Variants in PTPRD observed in about 807,000 individuals in gnomAD.
The protein encoded by PTPRD is receptor-type tyrosine-protein phosphatase delta.
Under a neutral mutation model 214.5 loss-of-function variants are expected in PTPRD, and 34 were observed. The ratio of observed to expected loss-of-function variants is 0.16; its 90% CI spans 0.12 to 0.21. The LOEUF (loss-of-function observed/expected upper bound fraction) is 0.21. PTPRD is among the 10% of genes least tolerant of loss of function. The pLI, the probability that PTPRD is intolerant of heterozygous loss-of-function variation, is 1.00. For missense variants in PTPRD, 2,545 were observed against 2,398.7 expected (o/e 1.06, Z -1.27); for synonymous variants, 1,128 against 845.7 (o/e 1.33, Z -5.79).
At chr9:9,324,638 G>A (rs1270697254) in intron 9 of PTPRD, among the ~76,000 whole-genome samples, 1 of 152,106 alleles carries the variant, frequency 6.6e-6, no homozygotes, top group African/African-American at 2.4e-5. Context: ...CCATTCTGTA[G>A]GTTGCCTGTT....
intron 2 of PTPRD, among the ~76,000 whole-genome samples, chr9:10,532,582 AT>A: frequency 6.8e-6 from 1 of 147,778 alleles, no homozygotes. Context: ...CACTATATAT[AT>A]ATTTATATAA....
At chr9:9,495,113 T>A (rs963028176) in intron 8 of PTPRD, among the ~76,000 whole-genome samples, 1 of 152,064 alleles carries the variant, frequency 6.6e-6, no homozygotes, top group African/African-American at 2.4e-5. Flanking sequence ...GATAGCCACA[T>A]GCGAAACAAT....
chr9:8,637,941 A>C (rs974495198), intron 12 of PTPRD, among the ~76,000 whole-genome samples: 1 of 152,182 alleles, frequency 6.6e-6, no homozygotes. Context: ...GCACACACAC[A>C]CAAAGATTGA....
intron 8 of PTPRD, among the ~76,000 whole-genome samples, chr9:9,420,480 A>G (rs1489605166): frequency 6.6e-6 from 1 of 151,908 alleles, no homozygotes; most frequent in Non-Finnish European, 1.5e-5. Context: ...TACTGCCATT[A>G]TATTTTAAAA....
chr9:10,085,365 A>G (rs2098317372), intron 3 of PTPRD, among the ~76,000 whole-genome samples: 1 of 151,984 alleles, frequency 6.6e-6, no homozygotes, highest in Non-Finnish European at 1.5e-5. Flanking sequence ...TGAATATAAG[A>G]GGTAATAAAT....
chr9:8,541,351 T>A (rs2078358499), intron 14 of PTPRD, among the ~76,000 whole-genome samples: 1 of 152,116 alleles, frequency 6.6e-6, no homozygotes, highest in Non-Finnish European at 1.5e-5. Flanking sequence ...CACCTCAGCC[T>A]CCAGGGTAGC....
At chr9:8,793,366 C>G (rs2096296934) in intron 11 of PTPRD, among the ~76,000 whole-genome samples, 1 of 152,156 alleles carries the variant, frequency 6.6e-6, no homozygotes, top group Non-Finnish European at 1.5e-5. Context: ...GAATGCTTGT[C>G]AACAAACTTC....
intron 7 of PTPRD, among the ~76,000 whole-genome samples, chr9:9,610,280 A>C (rs1237380667): frequency 6.6e-6 from 1 of 152,214 alleles, no homozygotes; most frequent in African/African-American, 2.4e-5. Context: ...ATTTTCAAAA[A>C]AATGCCGTAT....
intron 11 of PTPRD, among the ~76,000 whole-genome samples, chr9:8,760,584 C>T (rs1033921167): frequency 4.7e-5 from 7 of 150,200 alleles, no homozygotes; most frequent in Non-Finnish European, 8.8e-5. Context: ...CTCTCCCTTG[C>T]TCCCTCTCTC....
At chr9:9,938,843 A>G (rs2090468759) in intron 4 of PTPRD, among the ~76,000 whole-genome samples, 1 of 152,178 alleles carries the variant, frequency 6.6e-6, no homozygotes. Context: ...TTCCTTATAA[A>G]AGGTTATTTA....
At chr9:8,617,947 C>A in intron 14 of PTPRD, among the ~76,000 whole-genome samples, 2 of 152,114 alleles carry the variant, frequency 1.3e-5, no homozygotes, top group South Asian at 4.1e-4. Flanking sequence ...TTAAAAAAAT[C>A]ACTAACTTTG....
chr9:9,962,412 A>C (rs1035968723), intron 4 of PTPRD, among the ~76,000 whole-genome samples: 1 of 152,066 alleles, frequency 6.6e-6, no homozygotes, highest in African/African-American at 2.4e-5. Flanking sequence ...AGCTAAACAA[A>C]TCCTTTATAA....
At chr9:10,373,581 G>C (rs1201500467) in intron 2 of PTPRD, among the ~76,000 whole-genome samples, 1 of 152,078 alleles carries the variant, frequency 6.6e-6, no homozygotes, top group East Asian at 1.9e-4. Flanking sequence ...ACTGTGTGAA[G>C]TCAAAGGAAA....
At chr9:8,392,163 T>C (rs2089808414) in intron 36 of PTPRD, among the ~76,000 whole-genome samples, 2 of 152,024 alleles carry the variant, frequency 1.3e-5, no homozygotes. Flanking sequence ...GGCAGGAGGA[T>C]CACTTGAGCC....
chr9:9,113,739 T>C (rs1219028313), intron 10 of PTPRD, among the ~76,000 whole-genome samples: 2 of 152,162 alleles, frequency 1.3e-5, no homozygotes, highest in Admixed American at 1.3e-4. Flanking sequence ...TGCCAGGGTC[T>C]CAGCAAGGCA....
At chr9:10,339,891 A>C (rs1038110057) in intron 3 of PTPRD, among the ~76,000 whole-genome samples, 1 of 151,814 alleles carries the variant, frequency 6.6e-6, no homozygotes, top group Admixed American at 6.6e-5. Flanking sequence ...GAGCTTCAAA[A>C]GCTTCCATCA....
At chr9:9,469,618 T>A (rs1308109120) in intron 8 of PTPRD, among the ~76,000 whole-genome samples, 1 of 152,186 alleles carries the variant, frequency 6.6e-6, no homozygotes, top group Non-Finnish European at 1.5e-5. Context: ...GCAACTAATT[T>A]GAGCATATAC....
intron 8 of PTPRD, among the ~76,000 whole-genome samples, chr9:9,519,556 G>T (rs538609794): frequency 6.6e-6 from 1 of 151,932 alleles, no homozygotes; most frequent in Non-Finnish European, 1.5e-5. Flanking sequence ...CAAAAGGATC[G>T]TATGAACAAC....
intron 43 of PTPRD, among the ~76,000 whole-genome samples, chr9:8,333,397 G>T (rs959018721): frequency 5.3e-5 from 8 of 151,890 alleles, no homozygotes; most frequent in South Asian, 2.1e-4. Context: ...TCATTTAAAG[G>T]TTACCTGTTT....
Sources: allele counts gnomAD v4.1 joint callset (sites outside exome capture counted in the v4.1 genomes callset), GRCh38; gene constraint gnomAD v4.1.1; transcripts MANE v1.5; gene names NCBI Gene and HGNC (gene_info 2026-07-23, HGNC 2026-07-21).